The following VPS39 variants were observed in gnomAD, a reference collection of about 807,000 sequenced individuals.
VPS39 encodes the protein VPS39 subunit of HOPS complex.
VPS39 carries 70 observed loss-of-function variants against 121.0 expected under a neutral mutation model. That is an observed-to-expected ratio of 0.58 (90% CI 0.48 to 0.71). The LOEUF (loss-of-function observed/expected upper bound fraction) is 0.71. VPS39 is among the 30% of genes least tolerant of loss of function. The pLI is 0.00. For synonymous variants in VPS39, 378 were observed against 398.1 expected (o/e 0.95, Z 0.60); for missense variants, 818 against 1,051.5 (o/e 0.78, Z 3.07).
At chr15:42,190,887 G>A (rs2049813953) in intron 4 of VPS39, among the ~76,000 whole-genome samples, 1 of 152,156 alleles carries the variant, frequency 6.6e-6, no homozygotes, top group South Asian at 2.1e-4. Context: ...GCATAGAATA[G>A]GCTCAATAAA....
intron 10 of VPS39, among the ~76,000 whole-genome samples, chr15:42,176,986 G>T (rs1249068407): frequency 2.0e-5 from 3 of 151,710 alleles, no homozygotes. Flanking sequence ...AACAAAGTGA[G>T]ACCCTGTCTC....
intron 2 of VPS39, among the ~76,000 whole-genome samples, chr15:42,194,907 T>G (rs2049903896): frequency 6.6e-6 from 1 of 151,002 alleles, no homozygotes; most frequent in South Asian, 2.1e-4. Flanking sequence ...CCATTCCTTT[T>G]GCACCATCAT....
In VPS39 at chr15:42,199,966, A is replaced by G; in HGVS notation, c.74-5T>C. 6.4e-7 allele frequency: 1 copy of G among 1,571,706 alleles called. No homozygotes were observed. Reference sequence around the variant, plus strand: ...TTCCCACAAGAAGCCATTCCTCTGGAAAAACAAAACAAAACAAAAACAAAA... The same window carrying G: ...TTCCCACAAGAAGCCATTCCTCTGGGAAAACAAAACAAAACAAAAACAAAA... On this transcript the variant is annotated splice_polypyrimidine_tract_variant and splice_region_variant and intron_variant, in intron 1 of 24. Coordinates refer to ENST00000318006, the MANE Select transcript of VPS39 (RefSeq NM_015289.5).
intron 12 of VPS39, among the ~76,000 whole-genome samples, chr15:42,168,581 T>C (rs1461111498): frequency 4.0e-5 from 6 of 151,530 alleles, no homozygotes; most frequent in African/African-American, 1.2e-4. Flanking sequence ...TCTCACTCTG[T>C]TGCCCAGGCT....
At chr15:42,203,177 T>C (rs2050101364) in intron 1 of VPS39, among the ~76,000 whole-genome samples, 1 of 151,856 alleles carries the variant, frequency 6.6e-6, no homozygotes, top group African/African-American at 2.4e-5. Context: ...CTAAAAAATA[T>C]AAAAATTAGG....
chr15:42,178,786 TAGGCCGGA>T, intron 8 of VPS39: 8 of 570,144 alleles, frequency 1.4e-5, no homozygotes, highest in Non-Finnish European at 2.4e-5. Context: ...GAAGGTCACG[TAGGCCGGA>T]AGTTTGAGAC....
Position 42,167,374 on chromosome 15 carries a change from C to T in VPS39, c.1377+20G>A, listed in dbSNP as rs752456186. 13 of 1,612,920 alleles carry T rather than the reference C, an allele frequency of 8.1e-6. No homozygotes were observed. Among genetic ancestry groups the T allele is most frequent in the African/African-American group, 4.0e-5 (3 of 74,862 alleles). On this transcript the variant is annotated intron_variant, in intron 13 of 24. Coordinates refer to ENST00000318006, the MANE Select transcript of VPS39 (RefSeq NM_015289.5). ...CAGGGTAACTGGGAATTGTGGCACC[C>T]GAGCGCTCAGGTAACTCACATGGAG...
At chr15:42,180,207 C>T (rs1012678623) in intron 8 of VPS39, among the ~76,000 whole-genome samples, 5 of 152,272 alleles carry the variant, frequency 3.3e-5, no homozygotes, top group African/African-American at 9.6e-5. Context: ...GCTGGATGGA[C>T]TTCTCAGTGA....
intron 12 of VPS39, among the ~76,000 whole-genome samples, chr15:42,167,790 T>C (rs185323621): frequency 6.6e-6 from 1 of 152,276 alleles, no homozygotes; most frequent in East Asian, 1.9e-4. Context: ...CCGATAATAT[T>C]ATCCTTATTT....
chr15:42,199,916 T>C lies in VPS39; in HGVS notation c.119A>G (p.Tyr40Cys). The C allele has an allele frequency of 1.9e-6, 3 of 1,594,612 alleles. No individual in the cohort carries two copies. Among genetic ancestry groups the C allele is most frequent in the Admixed American group, 1.8e-5 (1 of 55,442 alleles). ...VGTKQGHLLLYRIRKDVGCNR... is the reference protein window; with the variant it reads ...VGTKQGHLLLCRIRKDVGCNR... ...CTTACCAACGTCCTTCCGAATCCTA[T>C]AGAGAAGAAGATGTCCTTGTTTGGT... Residue 40 changes from tyrosine to cysteine, a missense_variant, in exon 2 of 25, where the codon TAT becomes TGT. Coordinates refer to ENST00000318006, the MANE Select transcript of VPS39 (RefSeq NM_015289.5).
rs138238935 is a variant in VPS39, at chr15:42,200,444, G to C, written c.74-483C>G. Among the ~76,000 whole-genome samples, 299 of 152,214 alleles carry C rather than the reference G, an allele frequency of 2.0e-3. 2 individuals carry two copies. Among genetic ancestry groups the C allele is most frequent in the African/African-American group, 6.9e-3 (285 of 41,532 alleles). ...CAGGTATCCAACCTCAGCAATAATA[G>C]CTAAGAGGCATCCTTTAAATGCTTT... On this transcript the variant is annotated intron_variant, in intron 1 of 24. Coordinates refer to ENST00000318006, the MANE Select transcript of VPS39 (RefSeq NM_015289.5).
chr15:42,173,130 C>T (rs943947387), intron 11 of VPS39, among the ~76,000 whole-genome samples: 9 of 152,200 alleles, frequency 5.9e-5, no homozygotes, highest in Admixed American at 6.5e-5. Flanking sequence ...TTGTTAAGTG[C>T]CACACACTGT....
chr15:42,178,553 T>A lies in VPS39; in HGVS notation c.736A>T (p.Ile246Phe). Residue 246 changes from isoleucine (I) to phenylalanine (F), a missense_variant, in exon 9 of 25, where the codon ATC (isoleucine) becomes TTC (phenylalanine). By Grantham distance (21) the Ile-to-Phe change is conservative. Coordinates refer to ENST00000318006, the MANE Select transcript of VPS39 (RefSeq NM_015289.5). ...ACATATCGAGGCAACACTGCAATGA[T>A]GTAGGGAGGCTGGTGCTCTGTGAAA... Reference protein sequence around the residue: ...PVAMEHQPPYIIAVLPRYVEI... With the variant: ...PVAMEHQPPYFIAVLPRYVEI... 6.2e-7 allele frequency: 1 copy of A among 1,614,098 alleles called. No individual in the cohort carries two copies.
rs2928335 is a variant in VPS39, at chr15:42,199,987, C to A, written c.74-26G>T. 261,960 of 1,527,114 alleles carry A rather than the reference C, an allele frequency of 0.17. 31,612 individuals are homozygous for A. Among genetic ancestry groups the A allele is most frequent in the African/African-American group, 0.6 (41,189 of 68,488 alleles). The allele number at this position is 1,527,114 out of a possible 1,614,324, so 94.6% of individuals were successfully genotyped here. A position where few individuals can be genotyped will look rare whatever the true frequency, so the allele number is the denominator to read the frequency against. ...CTGGAAAAACAAAACAAAACAAAAACAAAAACAAAAAAAAACCAGCTTTGA... is the reference window on the plus strand; with the variant it reads ...CTGGAAAAACAAAACAAAACAAAAAAAAAAACAAAAAAAAACCAGCTTTGA... On this transcript the variant is annotated intron_variant, in intron 1 of 24. Transcript: ENST00000318006.
At chr15:42,201,893 T>C (rs1041949818) in intron 1 of VPS39, among the ~76,000 whole-genome samples, 1 of 152,244 alleles carries the variant, frequency 6.6e-6, no homozygotes, top group South Asian at 2.1e-4. Context: ...ATAACTTTTA[T>C]TGAGCATGTA....
At chr15:42,199,210 G>A (rs911636501) in intron 2 of VPS39, among the ~76,000 whole-genome samples, 4 of 152,136 alleles carry the variant, frequency 2.6e-5, no homozygotes, top group African/African-American at 9.7e-5. Context: ...AAACAAGGAA[G>A]GGCAGTGAGG....
intron 2 of VPS39, among the ~76,000 whole-genome samples, chr15:42,195,687 G>T (rs1029540713): frequency 6.6e-6 from 1 of 152,136 alleles, no homozygotes; most frequent in Non-Finnish European, 1.5e-5. Flanking sequence ...CAAACAAATG[G>T]AAGAACATTC....
At chr15:42,181,705 A>G (rs983970669) in intron 8 of VPS39, among the ~76,000 whole-genome samples, 10 of 151,810 alleles carry the variant, frequency 6.6e-5, no homozygotes, top group African/African-American at 2.4e-4. Flanking sequence ...AATATTTCTA[A>G]TTATCCTTTT....
intron 11 of VPS39, 117 bp from the exon 12 acceptor site, chr15:42,169,983 A>G: frequency 9.2e-7 from 1 of 1,086,144 alleles, no homozygotes. Flanking sequence ...AAAAAAAAAA[A>G]GACTCTCAGT....
Sources: gnomAD v4.1 joint callset for allele counts (sites outside exome capture counted in the v4.1 genomes callset) on GRCh38, gnomAD v4.1.1 for gene constraint, MANE v1.5 for transcripts, NCBI Gene and HGNC (gene_info 2026-07-23, HGNC 2026-07-21) for gene names.